Variants in SLC16A12 observed in about 807,000 individuals in gnomAD.
SLC16A12 encodes the protein monocarboxylate transporter 12.
In SLC16A12, 17 loss-of-function variants were observed where a neutral mutation model predicts 42.4. The ratio of observed to expected loss-of-function variants is 0.40; its 90% CI spans 0.27 to 0.60. SLC16A12 has a LOEUF of 0.60. SLC16A12 is among the 20% of genes least tolerant of loss of function. The probability of loss-of-function intolerance (pLI) is 0.42; values close to 1 mark genes in which losing one functional copy is unlikely to be tolerated. For synonymous variants in SLC16A12, 224 were observed against 229.4 expected (o/e 0.98, Z 0.21); for missense variants, 544 against 623.0 (o/e 0.87, Z 1.35).
intron 2 of SLC16A12, among the ~76,000 whole-genome samples, chr10:89,528,962 AT>A (rs1269818095): frequency 1.3e-5 from 2 of 152,106 alleles, no homozygotes; most frequent in Admixed American, 6.6e-5. Context: ...CAGACCATTT[AT>A]TTTTTATATC....
At chr10:89,511,452 C>G (rs771625875) in intron 2 of SLC16A12, among the ~76,000 whole-genome samples, 1 of 152,070 alleles carries the variant, frequency 6.6e-6, no homozygotes, top group African/African-American at 2.4e-5. Flanking sequence ...AACTGGAAAC[C>G]CATCATTCTC....
At chr10:89,502,705 G>T (rs1843006210) in intron 2 of SLC16A12, among the ~76,000 whole-genome samples, 1 of 152,164 alleles carries the variant, frequency 6.6e-6, no homozygotes, top group African/African-American at 2.4e-5. Flanking sequence ...CACTGCTAAA[G>T]TCAACACCCC....
At chr10:89,540,981 G>T (rs2133884069) in intron 2 of SLC16A12, among the ~76,000 whole-genome samples, 1 of 144,148 alleles carries the variant, frequency 6.9e-6, no homozygotes, top group African/African-American at 2.6e-5. Flanking sequence ...GAGTGCAGTT[G>T]TACAATCTCG....
At chr10:89,513,144 A>G (rs776624503) in intron 2 of SLC16A12, among the ~76,000 whole-genome samples, 17 of 152,294 alleles carry the variant, frequency 1.1e-4, no homozygotes, top group Non-Finnish European at 2.1e-4. Context: ...TAAAATGGTA[A>G]ATTTTATGTT....
At chr10:89,463,251 C>T (rs572089396) in intron 2 of SLC16A12, among the ~76,000 whole-genome samples, 10 of 152,230 alleles carry the variant, frequency 6.6e-5, no homozygotes, top group African/African-American at 1.7e-4. Flanking sequence ...AATTATTATA[C>T]GGAATGAGTC....
At chr10:89,444,577 C>T (rs1841966965) in intron 3 of SLC16A12, among the ~76,000 whole-genome samples, 1 of 152,054 alleles carries the variant, frequency 6.6e-6, no homozygotes, top group Admixed American at 6.6e-5. Context: ...AGTTAGTTAC[C>T]AAACAGTTCA....
intron 2 of SLC16A12, among the ~76,000 whole-genome samples, chr10:89,468,493 A>C (rs1288264389): frequency 6.6e-6 from 1 of 152,136 alleles, no homozygotes; most frequent in Non-Finnish European, 1.5e-5. Flanking sequence ...AGATTTCAAA[A>C]TTGTTATTGG....
intron 2 of SLC16A12, among the ~76,000 whole-genome samples, chr10:89,513,184 AT>A: frequency 6.6e-6 from 1 of 152,334 alleles, no homozygotes; most frequent in East Asian, 1.9e-4. Flanking sequence ...TTAAAAAAAA[AT>A]GAAACCGCGA....
chr10:89,433,308 G>A lies in SLC16A12; in HGVS notation c.1307C>T (p.Thr436Ile). 1 of 1,614,010 alleles carries A rather than the reference G, an allele frequency of 6.2e-7. No homozygotes were observed. The highest frequency in any genetic ancestry group is 8.5e-7 in the Non-Finnish European group (1 of 1,179,992). ...GAGGAATGCTGCAGTGTAGCTGCCGGTGGTATCTACCAGCCGTCCTGTAAC... is the reference window on the plus strand; with the variant it reads ...GAGGAATGCTGCAGTGTAGCTGCCGATGGTATCTACCAGCCGTCCTGTAAC... The part of the protein sequence containing the change: ...PPIAGRLVDT[T>I]GSYTAAFLLC... The change falls in exon 8 of 8, where the codon ACC (threonine) becomes ATC (isoleucine). Residue 436 changes from threonine (T) to isoleucine (I), a missense_variant. Transcript: ENST00000371790.
intron 2 of SLC16A12, among the ~76,000 whole-genome samples, chr10:89,464,551 T>C (rs1038521090): frequency 6.6e-6 from 1 of 152,232 alleles, no homozygotes; most frequent in African/African-American, 2.4e-5. Context: ...TTAAATGAAA[T>C]GTCATTTCAA....
At chr10:89,477,010 G>A (rs1190385996) in intron 2 of SLC16A12, among the ~76,000 whole-genome samples, 1 of 152,204 alleles carries the variant, frequency 6.6e-6, no homozygotes. Context: ...GTGTTGCCAA[G>A]GCTGAGAATG....
At chr10:89,438,127 T>G (rs765488682) in intron 6 of SLC16A12, among the ~76,000 whole-genome samples, 10 of 130,144 alleles carry the variant, frequency 7.7e-5, no homozygotes, top group African/African-American at 2.8e-4. Context: ...GAACTTGTAG[T>G]TACCCTAGGC....
chr10:89,511,847 A>G (rs1491002499), intron 2 of SLC16A12, among the ~76,000 whole-genome samples: 1 of 152,208 alleles, frequency 6.6e-6, no homozygotes, highest in Non-Finnish European at 1.5e-5. Context: ...GGACTCAAAC[A>G]AATGTTTGTA....
At chr10:89,495,575 A>C (rs1254959877) in intron 2 of SLC16A12, among the ~76,000 whole-genome samples, 1 of 152,222 alleles carries the variant, frequency 6.6e-6, no homozygotes, top group Non-Finnish European at 1.5e-5. Flanking sequence ...GTTAAAATGC[A>C]TTTAATACAC....
Position 89,436,050 on chromosome 10 carries a change from G to A in SLC16A12, c.1288+10C>T. 6.2e-6 allele frequency: 10 copies of A among 1,613,630 alleles called. No homozygotes were observed. The highest frequency in any genetic ancestry group is 1.3e-5 in the African/African-American group (1 of 74,992). ...GAAAAGGTGGTTGGGGTTTCTCTCT[G>A]GAAACTTACCTGCGATGGGTGGGCT... On this transcript the variant is annotated intron_variant, in intron 7 of 7. Transcript: ENST00000371790.
intron 2 of SLC16A12, among the ~76,000 whole-genome samples, chr10:89,551,698 G>A (rs1843772137): frequency 6.6e-6 from 1 of 152,122 alleles, no homozygotes; most frequent in Non-Finnish European, 1.5e-5. Flanking sequence ...AGATCTGATG[G>A]TTTTATCAGG....
At chr10:89,435,162 A>G (rs1841758023) in intron 7 of SLC16A12, among the ~76,000 whole-genome samples, 2 of 152,258 alleles carry the variant, frequency 1.3e-5, no homozygotes, top group South Asian at 2.1e-4. Context: ...TCCCAAATCT[A>G]TATATAAACC....
At chr10:89,450,210 C>T (rs190334173) in intron 3 of SLC16A12, among the ~76,000 whole-genome samples, 1 of 152,270 alleles carries the variant, frequency 6.6e-6, no homozygotes, top group East Asian at 1.9e-4. Context: ...GGTGATTCCT[C>T]AAGGATCTAG....
intron 2 of SLC16A12, among the ~76,000 whole-genome samples, chr10:89,500,275 C>T (rs1474527907): frequency 2.0e-5 from 3 of 152,116 alleles, no homozygotes; most frequent in Non-Finnish European, 4.4e-5. Flanking sequence ...AGGGAACCCT[C>T]CCTAAATCAT....
Sources: gnomAD v4.1 joint callset for allele counts (sites outside exome capture counted in the v4.1 genomes callset) on GRCh38, gnomAD v4.1.1 for gene constraint, MANE v1.5 for transcripts, NCBI Gene and HGNC (gene_info 2026-07-23, HGNC 2026-07-21) for gene names.